TMPRSS15: variants seen among roughly 807,000 people sequenced by gnomAD.
TMPRSS15 encodes the protein transmembrane serine protease 15.
TMPRSS15 carries 128 observed loss-of-function variants against 125.3 expected under a neutral mutation model. That is an observed-to-expected ratio of 1.02 (90% CI 0.89 to 1.18). The LOEUF is 1.18. Among genes scored for constraint, TMPRSS15 ranks in the 50% most tolerant of loss-of-function variants. The pLI is 0.00. For missense variants in TMPRSS15, 1,283 were observed against 1,212.7 expected, an observed-to-expected ratio of 1.06 and a Z score of -0.86; for synonymous variants, 446 against 423.2, an observed-to-expected ratio of 1.05 and a Z score of -0.66.
chr21:18,344,167 G>A (rs886715198), intron 10 of TMPRSS15, 107 bp from the exon 11 acceptor site: 2 of 945,484 alleles, frequency 2.1e-6, no homozygotes, highest in Non-Finnish European at 3.3e-6. Flanking sequence ...GAAAGGTTAA[G>A]GAAATATATT....
intron 18 of TMPRSS15, among the ~76,000 whole-genome samples, chr21:18,302,268 CT>C (rs1395821772): frequency 6.6e-6 from 1 of 152,122 alleles, no homozygotes; most frequent in Non-Finnish European, 1.5e-5. Flanking sequence ...ACGGTTGTTT[CT>C]TTTCAGATTG....
intron 7 of TMPRSS15, among the ~76,000 whole-genome samples, chr21:18,361,153 A>T (rs974767872): frequency 2.0e-5 from 3 of 152,076 alleles, no homozygotes; most frequent in Admixed American, 2.0e-4. Context: ...TTTAAATTAG[A>T]TATTTAAACT....
intron 1 of TMPRSS15, among the ~76,000 whole-genome samples, chr21:18,483,022 C>T (rs1243655406): frequency 6.6e-6 from 1 of 151,670 alleles, no homozygotes; most frequent in African/African-American, 2.4e-5. Flanking sequence ...TTATTCTTTC[C>T]AAACAGCTGT....
chr21:18,396,792 A>AAAATCTGTCTGTCTGTCTGTCTG lies in TMPRSS15; in HGVS notation c.344+1086_344+1087insCAGACAGACAGACAGACAGATTT, dbSNP rs1408156983. ...CTGTCTCAAAAAAAAAAAAAAAAAA[A>AAAATCTGTCTGTCTGTCTGTCTG]TCTGTCTGTCTGTCTGTCTATCTAT... On this transcript the variant is annotated intron_variant, in intron 3 of 24. Coordinates refer to ENST00000284885, the MANE Select transcript of TMPRSS15 (RefSeq NM_002772.3). Among the ~76,000 whole-genome samples, 988 of 112,678 alleles carry AAAATCTGTCTGTCTGTCTGTCTG rather than the reference A, an allele frequency of 8.8e-3. 21 individuals are homozygous for AAAATCTGTCTGTCTGTCTGTCTG. The highest frequency in any genetic ancestry group is 0.042 in the East Asian group (109 of 2,608). The allele number at this position is 112,678 out of a possible 152,430, so 73.9% of individuals were successfully genotyped here. A position where few individuals can be genotyped will look rare whatever the true frequency, so the allele number is the denominator to read the frequency against.
intron 22 of TMPRSS15, among the ~76,000 whole-genome samples, chr21:18,279,767 C>T (rs1396463442): frequency 6.6e-6 from 1 of 152,068 alleles, no homozygotes; most frequent in Non-Finnish European, 1.5e-5. Flanking sequence ...GGATGATTTT[C>T]AGCATCAATT....
chr21:18,399,535 C>T (rs1224481980), intron 1 of TMPRSS15, among the ~76,000 whole-genome samples: 1 of 152,004 alleles, frequency 6.6e-6, no homozygotes, highest in Non-Finnish European at 1.5e-5. Flanking sequence ...TTAAAGGAGA[C>T]TAAGGAAGCG....
chr21:18,396,818 C>CTATA (rs1260166780), intron 3 of TMPRSS15, among the ~76,000 whole-genome samples: 1 of 143,370 alleles, frequency 7.0e-6, no homozygotes, highest in South Asian at 2.3e-4. Context: ...GTCTATCTAT[C>CTATA]TATCTATCTA....
At chr21:18,349,530 G>T (rs1429578289) in intron 10 of TMPRSS15, among the ~76,000 whole-genome samples, 1 of 152,132 alleles carries the variant, frequency 6.6e-6, no homozygotes, top group Non-Finnish European at 1.5e-5. Flanking sequence ...CAACAAACCT[G>T]CCTGGATAAG....
intron 3 of TMPRSS15, among the ~76,000 whole-genome samples, chr21:18,393,346 T>C (rs2076006617): frequency 6.6e-6 from 1 of 152,196 alleles, no homozygotes; most frequent in Non-Finnish European, 1.5e-5. Context: ...TACCTAAAGT[T>C]ATAAATAATA....
At chr21:18,348,158 C>G (rs917844704) in intron 10 of TMPRSS15, among the ~76,000 whole-genome samples, 3 of 151,396 alleles carry the variant, frequency 2.0e-5, no homozygotes, top group African/African-American at 7.4e-5. Flanking sequence ...GTACTCCAGT[C>G]TGGGAGACAG....
intron 6 of TMPRSS15, among the ~76,000 whole-genome samples, chr21:18,370,402 G>GATCATCAAA (rs1345817533): frequency 7.2e-5 from 11 of 151,968 alleles, no homozygotes; most frequent in Non-Finnish European, 1.3e-4. Flanking sequence ...TCTATTTAAG[G>GATCATCAAA]ATATTGATCA....
chr21:18,334,953 A>G (rs906458658), intron 13 of TMPRSS15, among the ~76,000 whole-genome samples: 1 of 152,192 alleles, frequency 6.6e-6, no homozygotes, highest in Non-Finnish European at 1.5e-5. Context: ...GGAAGAAGAG[A>G]GTGTACATGG....
At chr21:18,387,788 T>G (rs1051013196) in intron 3 of TMPRSS15, among the ~76,000 whole-genome samples, 3 of 152,058 alleles carry the variant, frequency 2.0e-5, no homozygotes, top group African/African-American at 7.2e-5. Context: ...ATACATGGTG[T>G]GAGTTTAATT....
chr21:18,420,315 T>G (rs2076189618), intron 1 of TMPRSS15, among the ~76,000 whole-genome samples: 1 of 152,224 alleles, frequency 6.6e-6, no homozygotes, highest in Non-Finnish European at 1.5e-5. Flanking sequence ...ATTATTTAGA[T>G]TTGCTGAAAT....
chr21:18,464,867 T>C (rs2122911365), intron 1 of TMPRSS15, among the ~76,000 whole-genome samples: 29 of 152,268 alleles, frequency 1.9e-4, no homozygotes, highest in South Asian at 4.2e-4. Flanking sequence ...CTGAAACTCT[T>C]ACAAACAATA....
In TMPRSS15 at chr21:18,352,923, T is replaced by G. The variant is rs756926300; in HGVS notation, c.1151A>C (p.His384Pro). The G allele has an allele frequency of 1.2e-6, 2 of 1,612,252 alleles. No homozygotes were observed. The highest frequency in any genetic ancestry group is 1.7e-6 in the Non-Finnish European group (2 of 1,178,814). Residue 384 changes from histidine to proline, a missense_variant, in exon 10 of 25, where the codon CAC (histidine) becomes CCC (proline). Coordinates refer to ENST00000284885, the MANE Select transcript of TMPRSS15 (RefSeq NM_002772.3). ...FSPFTGPNFD[H>P]TFGNASGFYI... Reference sequence around the variant, plus strand: ...TATACCTGAAGCATTGCCAAAAGTGTGGTCAAAATTGGGTCCAGTAAAAGG... The same window carrying G: ...TATACCTGAAGCATTGCCAAAAGTGGGGTCAAAATTGGGTCCAGTAAAAGG...
chr21:18,282,066 C>T (rs1392005405), intron 21 of TMPRSS15, among the ~76,000 whole-genome samples: 2 of 136,186 alleles, frequency 1.5e-5, no homozygotes, highest in Non-Finnish European at 1.5e-5. Context: ...CCACTGCACT[C>T]CAGCCTGGGA....
At chr21:18,473,268 T>G (rs2123284982) in intron 1 of TMPRSS15, among the ~76,000 whole-genome samples, 1 of 152,218 alleles carries the variant, frequency 6.6e-6, no homozygotes, top group South Asian at 2.1e-4. Flanking sequence ...ATAGTATGAT[T>G]TATTTTAAAA....
intron 10 of TMPRSS15, among the ~76,000 whole-genome samples, chr21:18,347,425 T>C (rs1357413495): frequency 1.3e-5 from 2 of 152,104 alleles, no homozygotes; most frequent in Admixed American, 6.5e-5. Flanking sequence ...TTAGTAGAGA[T>C]GGAGTTTCGC....
Sources: allele counts gnomAD v4.1 joint callset (sites outside exome capture counted in the v4.1 genomes callset), GRCh38; gene constraint gnomAD v4.1.1; transcripts MANE v1.5; gene names NCBI Gene and HGNC (gene_info 2026-07-23, HGNC 2026-07-21).